The following LRRC37A2 variants were observed in gnomAD, a reference collection of about 807,000 sequenced individuals.
The protein encoded by LRRC37A2 is leucine rich repeat containing 37 member A2.
In LRRC37A2, 9 loss-of-function variants were observed where a neutral mutation model predicts 68.8. The observed-to-expected ratio is 0.13, with a 90% CI of 0.08 to 0.23. The LOEUF (loss-of-function observed/expected upper bound fraction) is 0.23. LRRC37A2 is among the 10% of genes least tolerant of loss of function. LRRC37A2 has a pLI of 1.00. For missense variants in LRRC37A2, 168 were observed against 950.4 expected (o/e 0.18, Z 10.82); for synonymous variants, 63 against 367.6 (o/e 0.17, Z 9.48).
chr17:46,932,241 A>G, the LRRC37A2 span: 11 of 1,611,630 alleles, frequency 6.8e-6, no homozygotes, highest in Non-Finnish European at 9.3e-6. Context: ...CACTTGACAG[A>G]TCGTGGGGGC....
the LRRC37A2 span, among the ~76,000 whole-genome samples, chr17:46,883,836 G>A: frequency 2.0e-5 from 3 of 152,100 alleles, no homozygotes; most frequent in African/African-American, 7.2e-5. Context: ...CCTGCATACC[G>A]CAAAGAGGAG....
the LRRC37A2 span, among the ~76,000 whole-genome samples, chr17:46,504,876 TAATA>T: frequency 8.0e-6 from 1 of 124,568 alleles, no homozygotes; most frequent in Non-Finnish European, 1.6e-5. Flanking sequence ...ATTTATTAAT[TAATA>T]AATTGATTTA....
the LRRC37A2 span, among the ~76,000 whole-genome samples, chr17:46,760,655 A>G: frequency 1.4e-4 from 20 of 146,826 alleles, no homozygotes; most frequent in African/African-American, 4.6e-4. Flanking sequence ...AAAAAAGAAA[A>G]AAAAAGGAAA....
chr17:46,939,629 C>T, the LRRC37A2 span: 2 of 985,528 alleles, frequency 2.0e-6, no homozygotes, highest in Admixed American at 6.1e-5. Context: ...ATCTCTAATT[C>T]TTTGGTTCCC....
chr17:46,886,548 T>C, the LRRC37A2 span: 2 of 152,132 alleles, frequency 1.3e-5, no homozygotes, highest in Non-Finnish European at 2.9e-5. Flanking sequence ...CATCTGTCAA[T>C]GTAGGTGGCC....
chr17:46,952,779 C>G, the LRRC37A2 span: 2 of 152,120 alleles, frequency 1.3e-5, no homozygotes, highest in African/African-American at 4.8e-5. Context: ...TGCCTGAAGC[C>G]TCAGAACTTC....
chr17:46,829,755 T>C, the LRRC37A2 span, among the ~76,000 whole-genome samples: 1 of 149,494 alleles, frequency 6.7e-6, no homozygotes, highest in Non-Finnish European at 1.5e-5. Context: ...TAGCCTCAGG[T>C]TGGGATGGGA....
chr17:46,945,197 G>C, the LRRC37A2 span, among the ~76,000 whole-genome samples: 1 of 152,194 alleles, frequency 6.6e-6, no homozygotes, highest in East Asian at 1.9e-4. Context: ...AACCAGCCCT[G>C]GCTGCTGTGG....
At chr17:46,802,742 A>G in the LRRC37A2 span, among the ~76,000 whole-genome samples, 3 of 152,344 alleles carry the variant, frequency 2.0e-5, no homozygotes, top group African/African-American at 7.2e-5. Context: ...CGGATAGCGG[A>G]ACACGTGGAG....
chr17:46,703,705 C>CA, the LRRC37A2 span, among the ~76,000 whole-genome samples: 4 of 115,540 alleles, frequency 3.5e-5, no homozygotes, highest in African/African-American at 1.3e-4. Context: ...AAAAAAAAAA[C>CA]AAAAAACAGA....
the LRRC37A2 span, among the ~76,000 whole-genome samples, chr17:46,957,100 G>A: frequency 6.6e-6 from 1 of 152,150 alleles, no homozygotes; most frequent in African/African-American, 2.4e-5. Context: ...TGTGAACCCA[G>A]GAGTTCAAAA....
the LRRC37A2 span, among the ~76,000 whole-genome samples, chr17:46,737,710 C>G: frequency 6.6e-6 from 1 of 151,610 alleles, no homozygotes; most frequent in African/African-American, 2.4e-5. Flanking sequence ...TTACGTGGTT[C>G]CAGTGGAACA....
chr17:46,772,584 C>G, the LRRC37A2 span, among the ~76,000 whole-genome samples: 1 of 152,252 alleles, frequency 6.6e-6, no homozygotes, highest in Non-Finnish European at 1.5e-5. Context: ...TCTTTTATGT[C>G]AACAAGGAAT....
chr17:46,793,598 TGA>T, the LRRC37A2 span, among the ~76,000 whole-genome samples: 1 of 152,104 alleles, frequency 6.6e-6, no homozygotes. Context: ...CATTTGTGTG[TGA>T]GACAGGACAA....
the LRRC37A2 span, among the ~76,000 whole-genome samples, chr17:46,766,445 C>A: frequency 1.3e-5 from 2 of 152,064 alleles, no homozygotes; most frequent in African/African-American, 4.8e-5. Flanking sequence ...CCCATTGTCA[C>A]CACCACTGAA....
chr17:46,744,981 A>G, the LRRC37A2 span, among the ~76,000 whole-genome samples: 1 of 152,168 alleles, frequency 6.6e-6, no homozygotes, highest in Non-Finnish European at 1.5e-5. Flanking sequence ...GGACTAGCAA[A>G]TCTCAGTAAA....
the LRRC37A2 span, among the ~76,000 whole-genome samples, chr17:46,959,646 G>A: frequency 2.0e-5 from 3 of 152,204 alleles, no homozygotes; most frequent in East Asian, 1.9e-4. Flanking sequence ...AACTCCCATG[G>A]ATAGCAGTCC....
At chr17:46,867,380 A>G in the LRRC37A2 span, among the ~76,000 whole-genome samples, 1 of 152,242 alleles carries the variant, frequency 6.6e-6, no homozygotes, top group Non-Finnish European at 1.5e-5. Flanking sequence ...GTCTGGCTCC[A>G]GCCATCCCCT....
the LRRC37A2 span, among the ~76,000 whole-genome samples, chr17:46,731,757 C>T: frequency 6.6e-6 from 1 of 152,174 alleles, no homozygotes; most frequent in Non-Finnish European, 1.5e-5. Context: ...GAAGGGAATA[C>T]CATCTGGTCA....
Sources: allele counts gnomAD v4.1 joint callset (sites outside exome capture counted in the v4.1 genomes callset), GRCh38; gene constraint gnomAD v4.1.1; transcripts MANE v1.5; gene names NCBI Gene and HGNC (gene_info 2026-07-23, HGNC 2026-07-21).